CECR2: variants seen among roughly 807,000 people sequenced by gnomAD.
CECR2 encodes the protein chromatin remodeling regulator CECR2.
A neutral mutation model predicts 154.5 loss-of-function variants in CECR2; 30 were observed. The ratio of observed to expected loss-of-function variants is 0.19; its 90% CI spans 0.15 to 0.26. The LOEUF (loss-of-function observed/expected upper bound fraction) is 0.26, where lower values mean the gene tolerates loss of function less well. CECR2 is among the 10% of genes least tolerant of loss of function. The pLI is 1.00. For synonymous variants in CECR2, 725 were observed against 683.7 expected (o/e 1.06, Z -0.94); for missense variants, 1,743 against 1,829.3 (o/e 0.95, Z 0.86).
At chr22:17,506,411 G>A (rs1376964597) in intron 7 of CECR2, among the ~76,000 whole-genome samples, 1 of 152,170 alleles carries the variant, frequency 6.6e-6, no homozygotes, top group Non-Finnish European at 1.5e-5. Flanking sequence ...ACAGGTGTGA[G>A]CCACCACACC....
chr22:17,442,013 C>T (rs532938074), intron 1 of CECR2, among the ~76,000 whole-genome samples: 1 of 152,284 alleles, frequency 6.6e-6, no homozygotes, highest in South Asian at 2.1e-4. Flanking sequence ...CTGTTGACTT[C>T]ATTTTCATTG....
chr22:17,364,579 C>A (rs2062992198), upstream of CECR2, among the ~76,000 whole-genome samples: 1 of 151,746 alleles, frequency 6.6e-6, no homozygotes, highest in South Asian at 2.1e-4. Context: ...TTTGGGATTA[C>A]AAAGTGCTGT....
At chr22:17,493,281 T>C (rs916744055) in intron 2 of CECR2, among the ~76,000 whole-genome samples, 1 of 152,192 alleles carries the variant, frequency 6.6e-6, no homozygotes, top group African/African-American at 2.4e-5. Context: ...CTCTTTTTCC[T>C]TTAAATAGTA....
Position 17,452,827 on chromosome 22 carries a change from G to A in CECR2, c.127-24761G>A, listed in dbSNP as rs139878265. Among the ~76,000 whole-genome samples, 331 of 152,176 alleles carry A rather than the reference G, an allele frequency of 2.2e-3. 1 individual carries two copies. The highest frequency in any genetic ancestry group is 7.5e-3 in the African/African-American group (311 of 41,496). ...TTCTTCAAGCGCTGAAGAAGGGTGA[G>A]ATCACTAGGGAGGGAGGAAGGAGCT... On this transcript the variant is annotated intron_variant, in intron 1 of 18. Coordinates refer to ENST00000262608, the MANE Select transcript of CECR2 (RefSeq NM_001290047.2).
chr22:17,454,557 A>C (rs577373959), intron 1 of CECR2, among the ~76,000 whole-genome samples: 1 of 150,442 alleles, frequency 6.6e-6, no homozygotes, highest in African/African-American at 2.5e-5. Context: ...GTGAGCTGAG[A>C]TCGCACCACT....
At chr22:17,378,562 A>G (rs1299649298) in intron 1 of CECR2, among the ~76,000 whole-genome samples, 3 of 152,214 alleles carry the variant, frequency 2.0e-5, no homozygotes, top group African/African-American at 7.2e-5. Flanking sequence ...TTGGGATTAC[A>G]GGTGTGAGCC....
chr22:17,398,656 A>G (rs1403449523), intron 1 of CECR2, among the ~76,000 whole-genome samples: 1 of 152,174 alleles, frequency 6.6e-6, no homozygotes, highest in African/African-American at 2.4e-5. Context: ...ATCTTTAGAA[A>G]TGGGAATAAA....
chr22:17,389,384 G>C (rs988277856), intron 1 of CECR2, among the ~76,000 whole-genome samples: 1 of 152,144 alleles, frequency 6.6e-6, no homozygotes, highest in African/African-American at 2.4e-5. Context: ...GGCATCTCTA[G>C]CTGTGTAATT....
intron 1 of CECR2, among the ~76,000 whole-genome samples, chr22:17,456,144 T>C (rs2054850798): frequency 6.6e-6 from 1 of 152,154 alleles, no homozygotes; most frequent in African/African-American, 2.4e-5. Flanking sequence ...TTATTATTAT[T>C]ATTGCAACAC....
At position 17,539,080 on chromosome 22, in the gene CECR2, A is replaced by G. The variant is rs2056481494; in HGVS notation, c.1456A>G (p.Met486Val). Residue 486 changes from methionine (M) to valine (V), a missense_variant, in exon 13 of 19, where the codon ATG (methionine) becomes GTG (valine). Transcript: ENST00000262608. ...KEEFVNDMKT[M>V]FRNCRKYNGE... ...GGAATTTGTAAATGACATGAAGACCATGTTCAGGAATTGTCGAAAGTATAA... is the reference window on the plus strand; with the variant it reads ...GGAATTTGTAAATGACATGAAGACCGTGTTCAGGAATTGTCGAAAGTATAA... 6 of 1,613,916 alleles carry G rather than the reference A, an allele frequency of 3.7e-6. No individual in the cohort carries two copies. The highest frequency in any genetic ancestry group is 1.1e-5 in the South Asian group (1 of 91,086).
intron 2 of CECR2, among the ~76,000 whole-genome samples, chr22:17,484,043 G>A (rs1280569001): frequency 6.6e-6 from 1 of 152,200 alleles, no homozygotes; most frequent in Non-Finnish European, 1.5e-5. Flanking sequence ...TGTAGCCTAG[G>A]AGCAGTGGGC....
chr22:17,549,761 C>T (rs561515085), intron 17 of CECR2, among the ~76,000 whole-genome samples, 197 bp downstream of exon 17: 1 of 150,516 alleles, frequency 6.6e-6, no homozygotes, highest in South Asian at 2.1e-4. Context: ...ACACACATGC[C>T]ACCACACCCA....
intron 2 of CECR2, among the ~76,000 whole-genome samples, chr22:17,494,055 A>C (rs1054098263): frequency 3.3e-5 from 5 of 152,264 alleles, no homozygotes; most frequent in Admixed American, 3.3e-4. Context: ...ACTTCTGGCT[A>C]CTAAAAAAGC....
At chr22:17,447,592 C>T (rs1042638874) in intron 1 of CECR2, among the ~76,000 whole-genome samples, 1 of 149,116 alleles carries the variant, frequency 6.7e-6, no homozygotes, top group Non-Finnish European at 1.5e-5. Flanking sequence ...AATAAAATCA[C>T]ATAGGAGTAA....
At chr22:17,396,101 C>T (rs1271697236) in intron 1 of CECR2, among the ~76,000 whole-genome samples, 1 of 151,050 alleles carries the variant, frequency 6.6e-6, no homozygotes, top group African/African-American at 2.4e-5. Flanking sequence ...AAACAACTGG[C>T]TGTGGTGGTG....
At chr22:17,434,992 A>T (rs2054481443) in intron 1 of CECR2, among the ~76,000 whole-genome samples, 1 of 152,132 alleles carries the variant, frequency 6.6e-6, no homozygotes, top group South Asian at 2.1e-4. Flanking sequence ...CGAAACTCAG[A>T]AGCCTGCAGG....
chr22:17,452,463 TA>T (rs1453272927), intron 1 of CECR2, among the ~76,000 whole-genome samples: 3 of 151,942 alleles, frequency 2.0e-5, no homozygotes, highest in Admixed American at 6.6e-5. Context: ...AGAGGGAGAA[TA>T]GGGGAAAAAA....
At chr22:17,363,295 G>A (rs1475453840) in intron 1 of CECR2, among the ~76,000 whole-genome samples, 4 of 151,364 alleles carry the variant, frequency 2.6e-5, no homozygotes, top group African/African-American at 7.3e-5. Context: ...TGCAACCTCC[G>A]CCTCCTGGGT....
chr22:17,537,725 G>A (rs1156871890), intron 10 of CECR2, among the ~76,000 whole-genome samples: 2 of 152,286 alleles, frequency 1.3e-5, no homozygotes, highest in South Asian at 2.1e-4. Context: ...TATAGGCCGG[G>A]CTCACGCCTG....
Sources: allele counts gnomAD v4.1 joint callset (sites outside exome capture counted in the v4.1 genomes callset), GRCh38; gene constraint gnomAD v4.1.1; transcripts MANE v1.5; gene names NCBI Gene and HGNC (gene_info 2026-07-23, HGNC 2026-07-21).